The following GARIN1A variants were observed in gnomAD, a reference collection of about 807,000 sequenced individuals.
The protein encoded by GARIN1A is Golgi-associated RAB2 interactor protein 1A.
chr7:128,679,984 A>G, the GARIN1A span: 2 of 1,202,534 alleles, frequency 1.7e-6, no homozygotes, highest in Non-Finnish European at 2.3e-6. Context: ...GAGGCCAAGA[A>G]CTCTCTGAGC....
At chr7:128,678,687 C>T in the GARIN1A span, among the ~76,000 whole-genome samples, 1 of 151,748 alleles carries the variant, frequency 6.6e-6, no homozygotes, top group Non-Finnish European at 1.5e-5. Context: ...CCCTATAATA[C>T]TACTCAGGAA....
At chr7:128,707,264 AT>A in the GARIN1A span, among the ~76,000 whole-genome samples, 1 of 147,862 alleles carries the variant, frequency 6.8e-6, no homozygotes, top group African/African-American at 2.6e-5. Flanking sequence ...AATGTTCAAT[AT>A]AAGATCTACC....
the GARIN1A span, chr7:128,677,994 T>C: frequency 4.8e-6 from 2 of 412,986 alleles, no homozygotes; most frequent in Non-Finnish European, 8.5e-6. Context: ...GTCCCTAATA[T>C]TAAGACATTT....
At chr7:128,677,639 C>A in the GARIN1A span, 1 of 1,613,664 alleles carries the variant, frequency 6.2e-7, no homozygotes, top group South Asian at 1.1e-5. Flanking sequence ...GGACAGTGAC[C>A]GAAAAGATCT....
At chr7:128,672,667 A>T in the GARIN1A span, 1 of 798,966 alleles carries the variant, frequency 1.3e-6, no homozygotes, top group South Asian at 1.9e-5. Context: ...GCGGGGGGAC[A>T]AAGAAGCCAC....
At chr7:128,703,669 CGTGAGGCTG>C in the GARIN1A span, among the ~76,000 whole-genome samples, 1 of 151,890 alleles carries the variant, frequency 6.6e-6, no homozygotes, top group Non-Finnish European at 1.5e-5. Context: ...CCTACTGACT[CGTGAGGCTG>C]AGGCAGGAGG....
chr7:128,682,982 T>G, the GARIN1A span: 1 of 1,604,070 alleles, frequency 6.2e-7, no homozygotes, highest in Non-Finnish European at 8.5e-7. Context: ...ACACTGCCAT[T>G]GAAATAGACA....
the GARIN1A span, among the ~76,000 whole-genome samples, chr7:128,707,015 C>G: frequency 6.8e-6 from 1 of 147,718 alleles, no homozygotes; most frequent in Non-Finnish European, 1.5e-5. Context: ...GGGGTATGCT[C>G]TCTCCTAAAA....
At chr7:128,706,426 C>G in the GARIN1A span, among the ~76,000 whole-genome samples, 4 of 152,206 alleles carry the variant, frequency 2.6e-5, no homozygotes, top group African/African-American at 9.6e-5. Flanking sequence ...CACACGCACA[C>G]ACATCCATAT....
the GARIN1A span, among the ~76,000 whole-genome samples, chr7:128,679,091 T>TTA: frequency 5.6e-3 from 837 of 150,256 alleles, 4 homozygotes; most frequent in African/African-American, 0.019. Flanking sequence ...AAGATTGTTT[T>TTA]TATATATATA....
the GARIN1A span, among the ~76,000 whole-genome samples, chr7:128,699,933 G>A: frequency 3.9e-5 from 6 of 152,026 alleles, no homozygotes; most frequent in African/African-American, 1.4e-4. Context: ...TGAATTGAAC[G>A]TTTTATCATT....
the GARIN1A span, among the ~76,000 whole-genome samples, chr7:128,681,986 C>T: frequency 2.0e-5 from 3 of 151,394 alleles, no homozygotes; most frequent in South Asian, 2.1e-4. Flanking sequence ...TACAGTGGCT[C>T]CAGGCTGGTG....
At chr7:128,700,271 T>C in the GARIN1A span, among the ~76,000 whole-genome samples, 2 of 151,206 alleles carry the variant, frequency 1.3e-5, no homozygotes, top group African/African-American at 2.4e-5. Context: ...TGTTTTGTTT[T>C]GTTTTGTATT....
chr7:128,682,939 C>T, the GARIN1A span: 2 of 1,528,516 alleles, frequency 1.3e-6, no homozygotes, highest in South Asian at 1.3e-5. Context: ...TTTCAATAAC[C>T]CCAAAATTCC....
chr7:128,705,027 TC>T, the GARIN1A span, among the ~76,000 whole-genome samples: 2 of 152,200 alleles, frequency 1.3e-5, no homozygotes, highest in African/African-American at 4.8e-5. Flanking sequence ...TATGGAGCTT[TC>T]TGTCTTCTTT....
the GARIN1A span, chr7:128,683,045 T>C: frequency 6.2e-7 from 1 of 1,611,326 alleles, no homozygotes; most frequent in South Asian, 1.1e-5. Flanking sequence ...TCAATTTGAA[T>C]ATACCCATGA....
the GARIN1A span, chr7:128,677,890 T>TAC: frequency 1.6e-6 from 2 of 1,227,216 alleles, no homozygotes; most frequent in Non-Finnish European, 2.2e-6. Flanking sequence ...TGTATATATA[T>TAC]AGACTTGTTT....
chr7:128,705,107 C>T, the GARIN1A span, among the ~76,000 whole-genome samples: 1 of 152,152 alleles, frequency 6.6e-6, no homozygotes, highest in African/African-American at 2.4e-5. Context: ...TTCCACTGTG[C>T]GGATGTAACG....
At chr7:128,680,267 G>A in the GARIN1A span, 2 of 498,286 alleles carry the variant, frequency 4.0e-6, no homozygotes, top group African/African-American at 2.0e-5. Flanking sequence ...CATGCACATG[G>A]CTTTTTCTGT....
Sources: allele counts gnomAD v4.1 joint callset (sites outside exome capture counted in the v4.1 genomes callset), GRCh38; gene constraint gnomAD v4.1.1; transcripts MANE v1.5; gene names NCBI Gene and HGNC (gene_info 2026-07-23, HGNC 2026-07-21).